CLYBL: variants seen among roughly 807,000 people sequenced by gnomAD.
CLYBL encodes citramalyl-CoA lyase.
In CLYBL, 31 loss-of-function variants were observed where a neutral mutation model predicts 38.9. The ratio of observed to expected loss-of-function variants is 0.80; its 90% CI spans 0.60 to 1.08. The LOEUF (loss-of-function observed/expected upper bound fraction) is 1.08. Among genes scored for constraint, CLYBL ranks in the 50% least tolerant of loss-of-function variants. CLYBL has a pLI of 0.00. For synonymous variants in CLYBL, 171 were observed against 158.6 expected (o/e 1.08, Z -0.59); for missense variants, 434 against 411.6 (o/e 1.05, Z -0.47).
At chr13:99,747,158 T>G (rs990246226) in intron 1 of CLYBL, among the ~76,000 whole-genome samples, 1 of 152,060 alleles carries the variant, frequency 6.6e-6, no homozygotes, top group Admixed American at 6.5e-5. Context: ...TGTCATTCCC[T>G]CTTCCACACA....
At chr13:99,775,114 A>G (rs2138806421) in intron 2 of CLYBL, among the ~76,000 whole-genome samples, 1 of 152,316 alleles carries the variant, frequency 6.6e-6, no homozygotes, top group African/African-American at 2.4e-5. Context: ...TTAGAGGGGA[A>G]TTTATTGTAG....
intron 1 of CLYBL, among the ~76,000 whole-genome samples, chr13:99,632,196 G>A (rs979938337): frequency 3.3e-5 from 5 of 152,172 alleles, no homozygotes; most frequent in African/African-American, 1.2e-4. Flanking sequence ...ACCCAAATCT[G>A]CATATGAAAT....
At chr13:99,699,949 A>G (rs561096897) in intron 1 of CLYBL, among the ~76,000 whole-genome samples, 23 of 151,616 alleles carry the variant, frequency 1.5e-4, no homozygotes, top group Admixed American at 1.4e-3. Flanking sequence ...CCGAGATTGC[A>G]CCACTGCACT....
At chr13:99,797,867 A>C (rs911137818) in intron 2 of CLYBL, among the ~76,000 whole-genome samples, 2 of 152,172 alleles carry the variant, frequency 1.3e-5, no homozygotes, top group African/African-American at 4.8e-5. Flanking sequence ...CTTCCTGTTT[A>C]TTGATAAACA....
At chr13:99,714,458 A>G (rs2048282369) in intron 1 of CLYBL, among the ~76,000 whole-genome samples, 1 of 150,402 alleles carries the variant, frequency 6.6e-6, no homozygotes. Flanking sequence ...CTCTACTAAA[A>G]ATACAAAAAT....
chr13:99,885,770 C>G (rs944559510), intron 7 of CLYBL, among the ~76,000 whole-genome samples: 29 of 152,068 alleles, frequency 1.9e-4, no homozygotes, highest in Admixed American at 1.4e-3. Flanking sequence ...GGAGAAGTTG[C>G]AAAATAGGAA....
chr13:99,715,405 C>G (rs1419496484), intron 1 of CLYBL, among the ~76,000 whole-genome samples: 6 of 150,280 alleles, frequency 4.0e-5, no homozygotes, highest in South Asian at 2.1e-4. Context: ...TTCTTTTTTT[C>G]TTTTTCTTTT....
chr13:99,748,469 T>C (rs1327925803), intron 1 of CLYBL, among the ~76,000 whole-genome samples: 2 of 123,676 alleles, frequency 1.6e-5, no homozygotes, highest in African/African-American at 6.4e-5. Flanking sequence ...AGATGGAGTC[T>C]CACTCTGTCG....
chr13:99,721,200 C>T (rs536053347), intron 1 of CLYBL, among the ~76,000 whole-genome samples: 41 of 151,934 alleles, frequency 2.7e-4, no homozygotes, highest in African/African-American at 9.2e-4. Context: ...CCCACCACCA[C>T]GCCTGGCTAA....
At chr13:99,657,087 T>C (rs2047340999) in intron 1 of CLYBL, among the ~76,000 whole-genome samples, 1 of 152,206 alleles carries the variant, frequency 6.6e-6, no homozygotes, top group Admixed American at 6.5e-5. Flanking sequence ...GCTCTGATGG[T>C]ACATGCAGAC....
intron 2 of CLYBL, among the ~76,000 whole-genome samples, chr13:99,817,324 G>C (rs1360052948): frequency 6.6e-6 from 1 of 152,130 alleles, no homozygotes; most frequent in Admixed American, 6.5e-5. Flanking sequence ...GGGGAGGAGA[G>C]TGGAGGAGAG....
At chr13:99,667,768 A>G (rs1205873743) in intron 1 of CLYBL, among the ~76,000 whole-genome samples, 1 of 152,100 alleles carries the variant, frequency 6.6e-6, no homozygotes, top group Non-Finnish European at 1.5e-5. Flanking sequence ...TTACTAGTCA[A>G]CTCATTTCAC....
At chr13:99,683,442 C>T (rs2047768199) in intron 1 of CLYBL, among the ~76,000 whole-genome samples, 1 of 152,174 alleles carries the variant, frequency 6.6e-6, no homozygotes, top group African/African-American at 2.4e-5. Flanking sequence ...GTTTAAAACA[C>T]ACATTGTACA....
At chr13:99,732,240 G>A (rs1338466618) in intron 1 of CLYBL, among the ~76,000 whole-genome samples, 1 of 145,480 alleles carries the variant, frequency 6.9e-6, no homozygotes, top group East Asian at 2.0e-4. Flanking sequence ...GGAGTGCAGT[G>A]GCACAAACAC....
rs112594262 is a variant in CLYBL at position 99,903,505 on chromosome 13, C to T, written c.*25-1765C>T. ...ATCTCTATTTCTTATCTCTCTCTAT[C>T]CGTAAACATTTCTTTTTGATCCTTT... On this transcript the variant is annotated intron_variant and NMD_transcript_variant, in intron 8 of 9. Coordinates refer to the CLYBL transcript ENST00000689673. 8.2e-3 allele frequency among the ~76,000 whole-genome samples: 1,253 copies of T among 152,320 alleles called. 19 individuals carry two copies. The highest frequency in any genetic ancestry group is 0.028 in the African/African-American group (1,154 of 41,562).
intron 1 of CLYBL, among the ~76,000 whole-genome samples, chr13:99,706,395 G>GGA: frequency 6.6e-6 from 1 of 152,288 alleles, no homozygotes; most frequent in East Asian, 1.9e-4. Flanking sequence ...ACTCTTGCCT[G>GGA]GTTTGCATCC....
intron 1 of CLYBL, among the ~76,000 whole-genome samples, chr13:99,619,964 A>G (rs891835501): frequency 4.6e-5 from 7 of 152,146 alleles, no homozygotes; most frequent in East Asian, 1.9e-4. Context: ...CCTGCACTCA[A>G]TTGGTTTTAC....
At chr13:99,720,412 T>C (rs56838360) in intron 1 of CLYBL, among the ~76,000 whole-genome samples, 2,253 of 152,274 alleles carry the variant, frequency 0.015, 45 homozygotes, top group African/African-American at 0.051. Flanking sequence ...TGAGACAACA[T>C]TATAATTGAT....
At chr13:99,835,811 C>G (rs1566346993) in intron 2 of CLYBL, among the ~76,000 whole-genome samples, 2 of 152,140 alleles carry the variant, frequency 1.3e-5, no homozygotes, top group South Asian at 2.1e-4. Context: ...AAGAGTAAAA[C>G]AGAACTAACA....
Sources: allele counts gnomAD v4.1 joint callset (sites outside exome capture counted in the v4.1 genomes callset), GRCh38; gene constraint gnomAD v4.1.1; transcripts MANE v1.5; gene names NCBI Gene and HGNC (gene_info 2026-07-23, HGNC 2026-07-21).